The following VPS53 variants were observed in gnomAD, a reference collection of about 807,000 sequenced individuals.
VPS53 encodes the protein VPS53 subunit of GARP complex.
VPS53 carries 70 observed loss-of-function variants against 107.0 expected under a neutral mutation model. The ratio of observed to expected loss-of-function variants is 0.65; its 90% CI spans 0.54 to 0.80. The LOEUF is 0.80. Among genes scored for constraint, VPS53 ranks in the 30% least tolerant of loss-of-function variants. The probability of loss-of-function intolerance (pLI) is 0.00; values close to 1 mark genes in which losing one functional copy is unlikely to be tolerated. For synonymous variants in VPS53, 409 were observed against 393.3 expected (o/e 1.04, Z -0.47); for missense variants, 917 against 1,049.4 (o/e 0.87, Z 1.74).
chr17:511,975 G>C lies in VPS53; in HGVS notation c.*7153C>G, dbSNP rs1244560922. The stretch of plus-strand genomic sequence containing the variant: ...CCTCGCCACCAGCCCCAGGAGGGAG[G>C]AAGCTCTCTTCTCAGTGTCTGCAGG... On this transcript the variant is annotated 3_prime_UTR_variant, in exon 22 of 22. Transcript: ENST00000437048. The C allele has an allele frequency of 6.6e-6, 1 of 152,246 alleles. No individual in the cohort carries two copies. Among genetic ancestry groups the C allele is most frequent in the Non-Finnish European group, 1.5e-5 (1 of 68,038 alleles). 9.4% of individuals were successfully genotyped at this position (152,246 alleles called of 1,614,324 possible).
Position 537,422 on chromosome 17 carries a change from C to T in VPS53, c.1867-246G>A, listed in dbSNP as rs373395731. ...CCCTTTCCTTTTCCTGCCTTGTCCC[C>T]GACCTGCCTGAAACAGCCTTCCCTT... is the stretch of plus-strand genomic sequence containing the variant. On this transcript the variant is annotated intron_variant, in intron 17 of 21. Coordinates refer to ENST00000437048, the MANE Select transcript of VPS53 (RefSeq NM_001128159.3). The T allele has an allele frequency of 3.7e-5, 16 of 431,868 alleles. 2 individuals are homozygous for T. Among genetic ancestry groups the T allele is most frequent in the African/African-American group, 2.0e-4 (10 of 50,052 alleles). 26.8% of individuals were successfully genotyped at this position (431,868 alleles called of 1,614,324 possible).
intron 12 of VPS53, among the ~76,000 whole-genome samples, chr17:596,174 G>A (rs1967963668): frequency 6.6e-6 from 1 of 152,226 alleles, no homozygotes; most frequent in Non-Finnish European, 1.5e-5. Flanking sequence ...ACCTGCATGT[G>A]AAGAAGTTTT....
chr17:533,291 T>C (rs1178947888), intron 18 of VPS53, among the ~76,000 whole-genome samples: 1 of 152,208 alleles, frequency 6.6e-6, no homozygotes, highest in Non-Finnish European at 1.5e-5. Flanking sequence ...AATTTTTTTG[T>C]AGAGGCAGGA....
chr17:618,643 G>GT (rs1969283050), intron 11 of VPS53, among the ~76,000 whole-genome samples: 1 of 150,606 alleles, frequency 6.6e-6, no homozygotes. Flanking sequence ...TGGGACTACA[G>GT]GTGCCCACGA....
intron 6 of VPS53, among the ~76,000 whole-genome samples, chr17:655,433 G>A (rs1476130769): frequency 6.6e-6 from 1 of 151,674 alleles, no homozygotes; most frequent in Non-Finnish European, 1.5e-5. Context: ...GAGTGAATAT[G>A]GGCCTGTGTC....
chr17:617,592 C>T (rs1969204737), intron 11 of VPS53, among the ~76,000 whole-genome samples: 1 of 151,548 alleles, frequency 6.6e-6, no homozygotes, highest in African/African-American at 2.4e-5. Context: ...GCTGGGACTA[C>T]AGGCGTGCGC....
chr17:709,142 G>A (rs561795291), intron 2 of VPS53, among the ~76,000 whole-genome samples: 4 of 152,052 alleles, frequency 2.6e-5, no homozygotes, highest in South Asian at 2.1e-4. Flanking sequence ...AGGACCCTCC[G>A]CAGCACGCTC....
intron 4 of VPS53, among the ~76,000 whole-genome samples, chr17:684,777 G>A (rs958047297): frequency 3.3e-5 from 5 of 151,948 alleles, no homozygotes; most frequent in Admixed American, 1.3e-4. Flanking sequence ...ACCGAGGTCA[G>A]GAGTTCGAGA....
At chr17:526,852 G>A (rs546096656) in intron 19 of VPS53, among the ~76,000 whole-genome samples, 10 of 152,310 alleles carry the variant, frequency 6.6e-5, no homozygotes, top group African/African-American at 2.4e-4. Context: ...ACTATCAACA[G>A]TGATGAAAAT....
In VPS53 at chr17:711,879, C is replaced by T. The variant is rs539216831; in HGVS notation, c.88-1266G>A. Among the ~76,000 whole-genome samples, 6 of 150,168 alleles carry T rather than the reference C, an allele frequency of 4.0e-5. No homozygotes were observed. In the South Asian group the frequency reaches 1.3e-3, roughly 32 times the overall value. ...TCACCCAGGCTGGAGTGCAGTAGCG[C>T]GATCTTGGTTCACTACAAGCTCCAC... On this transcript the variant is annotated intron_variant, in intron 1 of 21. Coordinates refer to ENST00000437048, the MANE Select transcript of VPS53 (RefSeq NM_001128159.3).
chr17:650,223 A>G (rs1486280767), intron 7 of VPS53, among the ~76,000 whole-genome samples: 1 of 152,326 alleles, frequency 6.6e-6, no homozygotes, highest in African/African-American at 2.4e-5. Flanking sequence ...GGCTAGGTAC[A>G]GTGGCTCACG....
intron 11 of VPS53, among the ~76,000 whole-genome samples, chr17:615,525 C>G (rs935969452): frequency 6.6e-6 from 1 of 152,016 alleles, no homozygotes; most frequent in Non-Finnish European, 1.5e-5. Context: ...GTGGGGATGA[C>G]GTACAGCCTA....
At chr17:563,505 G>A (rs1462285426) in intron 13 of VPS53, among the ~76,000 whole-genome samples, 2 of 152,074 alleles carry the variant, frequency 1.3e-5, no homozygotes, top group Non-Finnish European at 2.9e-5. Context: ...TGTTGCCCAG[G>A]CTGGTCTCGA....
chr17:629,455 T>C (rs961213849), intron 8 of VPS53, among the ~76,000 whole-genome samples: 12 of 152,166 alleles, frequency 7.9e-5, no homozygotes, highest in African/African-American at 2.2e-4. Flanking sequence ...GAAAAGCCCA[T>C]AGTCTTTAAA....
intron 6 of VPS53, among the ~76,000 whole-genome samples, chr17:654,149 C>T (rs558372319): frequency 4.6e-5 from 7 of 152,154 alleles, no homozygotes; most frequent in South Asian, 4.1e-4. Context: ...GACCCGAGAT[C>T]GTGCCACTGC....
intron 1 of VPS53, among the ~76,000 whole-genome samples, chr17:713,923 T>C (rs1236289522): frequency 3.3e-5 from 5 of 149,390 alleles, no homozygotes. Context: ...CGTGCGCCTG[T>C]AATCACAGCT....
At chr17:662,849 GGA>G (rs1427221965) in intron 4 of VPS53, among the ~76,000 whole-genome samples, 13 of 89,806 alleles carry the variant, frequency 1.4e-4, no homozygotes, top group South Asian at 1.2e-3. Context: ...AAGGAAGGAA[GGA>G]AGGAAGGAAG....
At chr17:602,474 GC>G (rs1968374122) in intron 11 of VPS53, among the ~76,000 whole-genome samples, 1 of 152,192 alleles carries the variant, frequency 6.6e-6, no homozygotes, top group South Asian at 2.1e-4. Context: ...TCCCAAGTAA[GC>G]CCCATTACAA....
At chr17:687,294 A>G (rs1277177737) in intron 4 of VPS53, among the ~76,000 whole-genome samples, 1 of 148,634 alleles carries the variant, frequency 6.7e-6, no homozygotes, top group Non-Finnish European at 1.5e-5. Context: ...TCAAAAAAAA[A>G]AAGCCAGGTG....
Sources: allele counts gnomAD v4.1 joint callset (sites outside exome capture counted in the v4.1 genomes callset), GRCh38; gene constraint gnomAD v4.1.1; transcripts MANE v1.5; gene names NCBI Gene and HGNC (gene_info 2026-07-23, HGNC 2026-07-21).